Variants in VEPH1 observed in about 807,000 individuals in gnomAD.
The protein encoded by VEPH1 is ventricular zone-expressed PH domain-containing protein homolog 1.
Under a neutral mutation model 85.2 loss-of-function variants are expected in VEPH1, and 80 were observed. The observed-to-expected ratio is 0.94, with a 90% CI of 0.78 to 1.13. The LOEUF (loss-of-function observed/expected upper bound fraction) is 1.13, where lower values mean the gene tolerates loss of function less well. Among genes scored for constraint, VEPH1 ranks in the 50% most tolerant of loss-of-function variants. The pLI is 0.00. For synonymous variants in VEPH1, 297 were observed against 348.0 expected (o/e 0.85, Z 1.63); for missense variants, 955 against 980.5 (o/e 0.97, Z 0.35).
chr3:157,489,665 T>C (rs1312099148), intron 2 of VEPH1, among the ~76,000 whole-genome samples: 1 of 152,050 alleles, frequency 6.6e-6, no homozygotes, highest in Non-Finnish European at 1.5e-5. Context: ...TCCTTATTTA[T>C]TTGTTTATTT....
chr3:157,378,308 A>G (rs1168443129), intron 7 of VEPH1, among the ~76,000 whole-genome samples: 184 of 624 alleles, frequency 0.29, no homozygotes, highest in Non-Finnish European at 0.33. Flanking sequence ...TTTGAATGGT[A>G]TATATATATA....
At chr3:157,309,478 ATG>A (rs1207861575) in intron 11 of VEPH1, among the ~76,000 whole-genome samples, 1 of 152,166 alleles carries the variant, frequency 6.6e-6, no homozygotes, top group Non-Finnish European at 1.5e-5. Context: ...TGACAAGCAT[ATG>A]TTCTCATGGA....
intron 5 of VEPH1, among the ~76,000 whole-genome samples, chr3:157,420,100 T>C (rs1371934220): frequency 6.6e-6 from 1 of 151,616 alleles, no homozygotes; most frequent in African/African-American, 2.4e-5. Context: ...CATGTTCTCA[T>C]TTATAAGTGG....
At chr3:157,393,558 T>G (rs556606454) in intron 6 of VEPH1, among the ~76,000 whole-genome samples, 3 of 152,216 alleles carry the variant, frequency 2.0e-5, no homozygotes, top group Non-Finnish European at 4.4e-5. Flanking sequence ...AGATTACTGT[T>G]TTCAATATCA....
At chr3:157,468,433 C>T (rs953216119) in intron 3 of VEPH1, among the ~76,000 whole-genome samples, 2 of 152,048 alleles carry the variant, frequency 1.3e-5, no homozygotes, top group Admixed American at 6.5e-5. Context: ...AAATTAGCCA[C>T]GTGTGGTGGC....
At position 157,442,875 on chromosome 3, in the gene VEPH1, A is replaced by G. The variant is rs373203093; in HGVS notation, c.530-14387T>C. ...GGATAGTGTTCTTAGCAATGAAGAG[A>G]TAAGAGAGACCGGAGGAGCAGAGTC... is the stretch of plus-strand genomic sequence containing the variant. On this transcript the variant is annotated intron_variant, in intron 4 of 13. Coordinates refer to ENST00000362010, the MANE Select transcript of VEPH1 (RefSeq NM_001167912.2). The G allele has an allele frequency of 5.6e-6, 9 of 1,614,080 alleles. No homozygotes were observed. In the African/African-American group the frequency reaches 6.7e-5, roughly 12 times the overall value.
chr3:157,482,557 C>G (rs148069930), intron 2 of VEPH1, among the ~76,000 whole-genome samples: 71 of 152,244 alleles, frequency 4.7e-4, no homozygotes, highest in South Asian at 2.7e-3. Flanking sequence ...TGTGTTGAAT[C>G]TATAAATTGC....
intron 2 of VEPH1, among the ~76,000 whole-genome samples, chr3:157,476,153 C>T (rs886519409): frequency 2.0e-5 from 3 of 152,186 alleles, no homozygotes; most frequent in African/African-American, 4.8e-5. Context: ...CTAGGCATCA[C>T]CCACCACTGC....
intron 11 of VEPH1, among the ~76,000 whole-genome samples, chr3:157,294,522 G>A (rs1051723003): frequency 2.6e-5 from 4 of 152,198 alleles, no homozygotes; most frequent in African/African-American, 4.8e-5. Flanking sequence ...TTAATGGTGT[G>A]CATCCACCAC....
chr3:157,301,464 C>T (rs1256668059), intron 11 of VEPH1, among the ~76,000 whole-genome samples: 1 of 152,158 alleles, frequency 6.6e-6, no homozygotes, highest in African/African-American at 2.4e-5. Context: ...CTTCCATTTT[C>T]ACTCATCTCT....
intron 5 of VEPH1, among the ~76,000 whole-genome samples, chr3:157,423,443 T>C (rs1333753158): frequency 6.6e-6 from 1 of 152,172 alleles, no homozygotes; most frequent in African/African-American, 2.4e-5. Flanking sequence ...TGAACCAAAA[T>C]CCCTGGGAGT....
intron 10 of VEPH1, among the ~76,000 whole-genome samples, chr3:157,316,702 A>G (rs975513523): frequency 6.6e-6 from 1 of 152,056 alleles, no homozygotes; most frequent in African/African-American, 2.4e-5. Context: ...TGACACTAAC[A>G]TTAACTGGAG....
intron 12 of VEPH1, among the ~76,000 whole-genome samples, chr3:157,267,245 G>A (rs1468379077): frequency 1.3e-5 from 2 of 150,948 alleles, no homozygotes; most frequent in African/African-American, 4.9e-5. Context: ...ACAGGTATTC[G>A]CCACCACGCT....
chr3:157,378,233 C>T (rs1209556952), intron 7 of VEPH1, among the ~76,000 whole-genome samples: 2 of 150,374 alleles, frequency 1.3e-5, no homozygotes, highest in African/African-American at 4.9e-5. Flanking sequence ...GGCCTTGACT[C>T]TCCTGGATGC....
At chr3:157,276,930 G>A (rs1354784267) in intron 12 of VEPH1, among the ~76,000 whole-genome samples, 1 of 149,202 alleles carries the variant, frequency 6.7e-6, no homozygotes, top group Admixed American at 6.7e-5. Flanking sequence ...ATCTCACTCT[G>A]TCACCCAGGT....
intron 10 of VEPH1, among the ~76,000 whole-genome samples, chr3:157,314,330 C>CAA (rs34703314): frequency 0.083 from 3,573 of 42,806 alleles, 559 homozygotes; most frequent in Non-Finnish European, 0.14. Context: ...GAGGATCCGT[C>CAA]AAAAAAAAAA....
intron 3 of VEPH1, among the ~76,000 whole-genome samples, chr3:157,460,613 G>A (rs1291755638): frequency 1.3e-5 from 2 of 152,186 alleles, no homozygotes; most frequent in East Asian, 3.8e-4. Context: ...TAACAGAGCA[G>A]AGAAGGAGCA....
intron 2 of VEPH1, among the ~76,000 whole-genome samples, chr3:157,486,453 A>G (rs1343736587): frequency 2.7e-5 from 4 of 149,740 alleles, no homozygotes; most frequent in Non-Finnish European, 5.9e-5. Context: ...CCAAGATTGT[A>G]CCACTGCACT....
At chr3:157,334,041 C>A (rs1189258065) in intron 9 of VEPH1, among the ~76,000 whole-genome samples, 1 of 152,130 alleles carries the variant, frequency 6.6e-6, no homozygotes, top group Non-Finnish European at 1.5e-5. Flanking sequence ...TATGTTGGTG[C>A]AGGGTATATA....
Sources: allele counts gnomAD v4.1 joint callset (sites outside exome capture counted in the v4.1 genomes callset), GRCh38; gene constraint gnomAD v4.1.1; transcripts MANE v1.5; gene names NCBI Gene and HGNC (gene_info 2026-07-23, HGNC 2026-07-21).